Variants in CADPS observed in about 807,000 individuals in gnomAD.
The protein encoded by CADPS is calcium dependent secretion activator, also known as calcium-dependent secretion activator 1.
A neutral mutation model predicts 167.3 loss-of-function variants in CADPS; 57 were observed. That is an observed-to-expected ratio of 0.34 (90% CI 0.28 to 0.42). CADPS has a LOEUF of 0.42. Ranked by LOEUF, CADPS falls within the 20% of genes least tolerant of loss-of-function variation. CADPS has a pLI of 1.00. For synonymous variants in CADPS, 676 were observed against 635.3 expected (o/e 1.06, Z -0.96); for missense variants, 1,414 against 1,738.1 (o/e 0.81, Z 3.32).
intron 6 of CADPS, among the ~76,000 whole-genome samples, chr3:62,604,783 C>T (rs908993138): frequency 6.6e-6 from 1 of 152,240 alleles, no homozygotes; most frequent in Non-Finnish European, 1.5e-5. Context: ...ATCTCCATCA[C>T]CCAGCTGCCT....
chr3:62,512,039 A>G (rs148641722), intron 17 of CADPS, among the ~76,000 whole-genome samples: 2 of 152,302 alleles, frequency 1.3e-5, no homozygotes, highest in East Asian at 3.9e-4. Flanking sequence ...GCTTTCTGAA[A>G]TGTTTTGAAA....
intron 3 of CADPS, among the ~76,000 whole-genome samples, chr3:62,710,346 A>T (rs2083158834): frequency 1.3e-5 from 2 of 151,262 alleles, no homozygotes; most frequent in African/African-American, 2.4e-5. Flanking sequence ...ATTAAATTAG[A>T]CTCTTCAGAG....
At chr3:62,473,260 G>A (rs1005099111) in intron 24 of CADPS, among the ~76,000 whole-genome samples, 1 of 151,962 alleles carries the variant, frequency 6.6e-6, no homozygotes, top group African/African-American at 2.4e-5. Context: ...TGACTTGTAG[G>A]GGAAACAAGG....
chr3:62,493,856 T>C (rs1274503893), intron 18 of CADPS, among the ~76,000 whole-genome samples, 191 bp from the exon 19 acceptor site: 4 of 152,182 alleles, frequency 2.6e-5, no homozygotes, highest in Admixed American at 6.5e-5. Flanking sequence ...TAAAAAGAGG[T>C]ATCCTTTTAC....
intron 1 of CADPS, among the ~76,000 whole-genome samples, chr3:62,801,916 T>C (rs911507185): frequency 3.9e-5 from 6 of 152,208 alleles, no homozygotes; most frequent in African/African-American, 1.4e-4. Context: ...TTAATTTTTT[T>C]CTTTATAGTT....
At chr3:62,488,282 T>C (rs996111372) in intron 21 of CADPS, among the ~76,000 whole-genome samples, 1 of 152,294 alleles carries the variant, frequency 6.6e-6, no homozygotes, top group South Asian at 2.1e-4. Context: ...GTTCACACTT[T>C]ATTTCTATTC....
At chr3:62,579,231 G>C (rs560028620) in intron 8 of CADPS, among the ~76,000 whole-genome samples, 1 of 152,150 alleles carries the variant, frequency 6.6e-6, no homozygotes, top group Non-Finnish European at 1.5e-5. Flanking sequence ...AATAACTGTG[G>C]ACCGAGCTCT....
At chr3:62,523,939 T>A (rs943697808) in intron 13 of CADPS, among the ~76,000 whole-genome samples, 2 of 152,198 alleles carry the variant, frequency 1.3e-5, no homozygotes, top group East Asian at 3.9e-4. Flanking sequence ...GATAACTGAA[T>A]CCTACTTGCT....
chr3:62,481,698 G>T, intron 22 of CADPS, 25 bp downstream of exon 22: 1 of 1,556,146 alleles, frequency 6.4e-7, no homozygotes, highest in South Asian at 1.2e-5. Flanking sequence ...ATTTAAATGA[G>T]ATCTAATGTG....
chr3:62,662,817 C>T (rs973561174), intron 3 of CADPS, among the ~76,000 whole-genome samples: 1 of 152,128 alleles, frequency 6.6e-6, no homozygotes, highest in South Asian at 2.1e-4. Context: ...CGGGTCCAGC[C>T]GCTCTCCACC....
At chr3:62,479,201 T>A (rs1189681865) in intron 22 of CADPS, among the ~76,000 whole-genome samples, 1 of 152,174 alleles carries the variant, frequency 6.6e-6, no homozygotes, top group Non-Finnish European at 1.5e-5. Flanking sequence ...GGGAAATTGG[T>A]TTTGATGCCT....
intron 8 of CADPS, among the ~76,000 whole-genome samples, chr3:62,573,077 T>C (rs892772850): frequency 2.0e-5 from 3 of 152,140 alleles, no homozygotes; most frequent in Admixed American, 2.0e-4. Flanking sequence ...AGATGGGGTT[T>C]CACCATGTTG....
At chr3:62,552,025 T>C (rs1335008831) in intron 10 of CADPS, among the ~76,000 whole-genome samples, 2 of 152,154 alleles carry the variant, frequency 1.3e-5, no homozygotes, top group East Asian at 3.8e-4. Context: ...GCTGTATCCC[T>C]GGAGCCTAGA....
At chr3:62,426,404 C>G (rs1295061569) in intron 28 of CADPS, among the ~76,000 whole-genome samples, 1 of 152,154 alleles carries the variant, frequency 6.6e-6, no homozygotes, top group African/African-American at 2.4e-5. Context: ...CCGCCTTGGC[C>G]TCCCAAAGTG....
chr3:62,679,173 G>C (rs1444791002), intron 3 of CADPS, among the ~76,000 whole-genome samples: 1 of 152,050 alleles, frequency 6.6e-6, no homozygotes, highest in Non-Finnish European at 1.5e-5. Context: ...CTTGTGTCTA[G>C]TTGAGCAGAT....
rs201508754 is a variant in CADPS, at chr3:62,489,169, T to TA, written c.3026+2169_3026+2170insT. Among the ~76,000 whole-genome samples, 898 of 150,854 alleles carry TA rather than the reference T, an allele frequency of 6.0e-3. 14 individuals carry two copies. Among genetic ancestry groups the TA allele is most frequent in the African/African-American group, 0.018 (758 of 41,246 alleles). On this transcript the variant is annotated intron_variant, in intron 21 of 29. Coordinates refer to ENST00000383710, the MANE Select transcript of CADPS (RefSeq NM_003716.4). Reference sequence around the variant, plus strand: ...CAGTCATGTGTTAAACTTTTATTATTTTTTTTTTTGAGACGGCATCTCGGT... The same window carrying TA: ...CAGTCATGTGTTAAACTTTTATTATTATTTTTTTTTGAGACGGCATCTCGGT...
chr3:62,579,735 A>C (rs1562418436), intron 8 of CADPS, among the ~76,000 whole-genome samples: 1 of 152,180 alleles, frequency 6.6e-6, no homozygotes. Flanking sequence ...TGGTAACAAC[A>C]CTGGCTTTTA....
chr3:62,557,348 A>G, intron 10 of CADPS, 57 bp downstream of exon 10: 5 of 1,163,974 alleles, frequency 4.3e-6, no homozygotes, highest in Non-Finnish European at 6.5e-6. Context: ...TTAGTTGACC[A>G]TTGATTTGGG....
At chr3:62,834,122 A>AT (rs1236603900) in intron 1 of CADPS, among the ~76,000 whole-genome samples, 2 of 152,190 alleles carry the variant, frequency 1.3e-5, no homozygotes, top group Non-Finnish European at 2.9e-5. Flanking sequence ...TTTTCAACAA[A>AT]TGTGGACCTT....
Sources: gnomAD v4.1 joint callset for allele counts (sites outside exome capture counted in the v4.1 genomes callset) on GRCh38, gnomAD v4.1.1 for gene constraint, MANE v1.5 for transcripts, NCBI Gene and HGNC (gene_info 2026-07-23, HGNC 2026-07-21) for gene names.